Variants in SPEG observed in about 807,000 individuals in gnomAD.
SPEG encodes the protein striated muscle enriched protein kinase, also known as striated muscle preferentially expressed protein kinase.
Under a neutral mutation model 300.4 loss-of-function variants are expected in SPEG, and 114 were observed. The ratio of observed to expected loss-of-function variants is 0.38; its 90% CI spans 0.33 to 0.44. The LOEUF (loss-of-function observed/expected upper bound fraction) is 0.44, where lower values mean the gene tolerates loss of function less well. Ranked by LOEUF, SPEG falls within the 20% of genes least tolerant of loss-of-function variation. The probability of loss-of-function intolerance (pLI) is 1.00; values close to 1 mark genes in which losing one functional copy is unlikely to be tolerated. For missense variants in SPEG, 4,201 were observed against 4,586.2 expected (o/e 0.92, Z 2.43); for synonymous variants, 1,964 against 2,018.9 (o/e 0.97, Z 0.73).
chr2:219,467,513 GC>G (rs1433456590), intron 10 of SPEG, 79 bp downstream of exon 10: 1 of 1,503,176 alleles, frequency 6.7e-7, no homozygotes, highest in African/African-American at 1.4e-5. Flanking sequence ...ACAGTAAGAT[GC>G]CTGGGAAACA....
chr2:219,484,311 C>T lies in SPEG; in HGVS notation c.6848C>T (p.Ala2283Val), dbSNP rs758163203. ...KPHAAVFARV[A>V]SPPPGAPEKR... ...CACGCTGCTGTCTTTGCCAGGGTGG[C>T]CTCCCCACCTCCGGGAGCCCCCGAG... Residue 2283 changes from alanine to valine, a missense_variant, in exon 30 of 41, where the codon GCC (alanine) becomes GTC (valine). By Grantham distance (64) the Ala-to-Val change is moderately conservative (BLOSUM62 0). Transcript: ENST00000312358. 1.2e-6 allele frequency: 2 copies of T among 1,604,358 alleles called. No homozygotes were observed. The highest frequency in any genetic ancestry group is 2.2e-5 in the South Asian group (2 of 90,818).
rs749083777 is a variant in SPEG, at chr2:219,480,166, C to T, written c.5342+26C>T. 35 of 1,610,258 alleles carry T rather than the reference C, an allele frequency of 2.2e-5. 1 individual carries two copies. In the South Asian group the frequency reaches 2.7e-4, roughly 13 times the overall value. On this transcript the variant is annotated intron_variant, in intron 25 of 40. Coordinates refer to ENST00000312358, the MANE Select transcript of SPEG (RefSeq NM_005876.5). This position sits in a 1 kb window ranked among gnomAD's most constrained non-coding sequence, Gnocchi z 5.3. ...GTAAGGCTGGCATGCTGGGCTGGGC[C>T]GACCAGGGCAGCTGCCCTTGGGGCT... is the stretch of plus-strand genomic sequence containing the variant.
rs1417748211 is a variant in SPEG, at chr2:219,482,506, A to G, written c.5566-278A>G. 4 of 452,786 alleles carry G rather than the reference A, an allele frequency of 8.8e-6. No individual in the cohort carries two copies. In the East Asian group the frequency reaches 1.4e-4, roughly 16 times the overall value. 28.0% of individuals were successfully genotyped at this position (452,786 alleles called of 1,614,324 possible). ...GCAGCTGGTTTACCAGGACAGGGCCATGAGCCCTGGTGGAAGCTCAGAAGC... is the reference window on the plus strand; with the variant it reads ...GCAGCTGGTTTACCAGGACAGGGCCGTGAGCCCTGGTGGAAGCTCAGAAGC... On this transcript the variant is annotated intron_variant, in intron 28 of 40. Transcript: ENST00000312358.
At chr2:219,461,222 T>G in intron 6 of SPEG, 1 of 986,496 alleles carries the variant, frequency 1.0e-6, no homozygotes, top group Non-Finnish European at 1.2e-6. Flanking sequence ...TGAGCTGCCC[T>G]TTTTGGTGGA....
At chr2:219,474,179 A>T (rs555444053) in intron 18 of SPEG, 1 of 315,046 alleles carries the variant, frequency 3.2e-6, no homozygotes, top group South Asian at 7.1e-5. Flanking sequence ...GGAGTTCGTG[A>T]CCAGCCTCGC....
At chr2:219,460,494 G>A in intron 6 of SPEG, 1 of 985,450 alleles carries the variant, frequency 1.0e-6, no homozygotes, top group Non-Finnish European at 1.2e-6. Flanking sequence ...ACAGCGCAGT[G>A]CCACCCCTCC....
chr2:219,436,885 T>C (rs1954733447), intron 1 of SPEG, among the ~76,000 whole-genome samples: 1 of 151,854 alleles, frequency 6.6e-6, no homozygotes, highest in Non-Finnish European at 1.5e-5. Flanking sequence ...GGGCTGAAAA[T>C]AGAACATAGA....
chr2:219,489,695 C>T lies in SPEG; in HGVS notation c.8677C>T (p.Pro2893Ser). Residue 2893 changes from proline (P) to serine (S), a missense_variant, in exon 36 of 41, where the codon CCA (proline) becomes TCA (serine). Pro to Ser is a moderately conservative substitution (Grantham distance 74). Around this residue, in one of 4 missense-constraint regions of SPEG, gnomAD observed 1,578 missense variants for 1,506.0 expected, o/e 1.05. Transcript: ENST00000312358. ...AGCCTCCACTCCTCAAGGGGTTAAA[C>T]CAGTGTCTTCCTCTACTCCTGTGTA... ...IPASTPQGVK[P>S]VSSSTPVYVV... is the part of the protein sequence containing the mutation. 6.2e-7 allele frequency: 1 copy of T among 1,614,118 alleles called. No homozygotes were observed. The highest frequency in any genetic ancestry group is 8.5e-7 in the Non-Finnish European group (1 of 1,180,008).
In SPEG at chr2:219,481,049, TG is replaced by T. The variant is rs1475808883; in HGVS notation, c.5370-253del. ...CTCTTCACTCATGGAGAGGCCACAC[TG>T]GAGGAGGGATGGAACAGGTCCTCTA... is the stretch of plus-strand genomic sequence containing the variant. On this transcript the variant is annotated intron_variant, in intron 26 of 40. Coordinates refer to ENST00000312358, the MANE Select transcript of SPEG (RefSeq NM_005876.5). The surrounding 1 kb of genome is among the most constrained non-coding windows in gnomAD (Gnocchi z 5.4). 6.6e-6 allele frequency among the ~76,000 whole-genome samples: 1 copy of T among 152,244 alleles called. No individual in the cohort carries two copies. The highest frequency in any genetic ancestry group is 2.4e-5 in the African/African-American group (1 of 41,562).
Position 219,483,783 on chromosome 2 carries a change from C to A in SPEG, c.6320C>A (p.Ala2107Asp). The A allele has an allele frequency of 6.4e-7, 1 of 1,557,218 alleles. No individual in the cohort carries two copies. The highest frequency in any genetic ancestry group is 8.6e-7 in the Non-Finnish European group (1 of 1,158,926). ...GRARDPRMAR[A>D]ASSEAAPHHQ... ...GCTCGGGACCCCCGGATGGCACGAG[C>A]TGCCTCCAGCGAGGCAGCGCCCCAC... The change falls in exon 30 of 41, where the codon GCT (alanine) becomes GAT (aspartate). Residue 2107 changes from alanine to aspartate, a missense_variant. Physicochemically the swap from Ala to Asp is moderately radical, Grantham distance 126. This residue lies in a region of SPEG where 1,578 missense variants were observed against 1,506.0 expected (regional missense o/e 1.05). Coordinates refer to ENST00000312358, the MANE Select transcript of SPEG (RefSeq NM_005876.5).
Position 219,484,356 on chromosome 2 carries a change from G to C in SPEG, c.6893G>C (p.Gly2298Ala). ...GAPEKRVPSAGGPPVLAEKAR... is the reference protein window; with the variant it reads ...GAPEKRVPSAAGPPVLAEKAR... ...CCCGAGAAGCGCGTGCCCTCAGCCG[G>C]GGGTCCCCCGGTGCTAGCCGAGAAA... Residue 2298 changes from glycine (G) to alanine (A), a missense_variant, in exon 30 of 41, where the codon GGG (glycine) becomes GCG (alanine). Physicochemically the swap from Gly to Ala is moderately conservative, Grantham distance 60. Around this residue, in one of 4 missense-constraint regions of SPEG, gnomAD observed 1,578 missense variants for 1,506.0 expected, o/e 1.05. Coordinates refer to ENST00000312358, the MANE Select transcript of SPEG (RefSeq NM_005876.5). The C allele has an allele frequency of 6.2e-7, 1 of 1,606,048 alleles. No individual in the cohort carries two copies. The highest frequency in any genetic ancestry group is 1.3e-5 in the African/African-American group (1 of 74,812).
chr2:219,488,497 G>A lies in SPEG; in HGVS notation c.7859-1G>A, dbSNP rs774709263. 1 of 1,564,712 alleles carries A rather than the reference G, an allele frequency of 6.4e-7. No individual in the cohort carries two copies. Among genetic ancestry groups the A allele is most frequent in the Non-Finnish European group, 8.7e-7 (1 of 1,153,412 alleles). ...CAACTCCTGCTCCTCCCTGTCCCCA[G>A]ACAAGAAGTCCTTGAGGTCAGAGCC... On this transcript the variant is annotated splice_acceptor_variant, in intron 32 of 40. Coordinates refer to ENST00000312358, the MANE Select transcript of SPEG (RefSeq NM_005876.5). LOFTEE classifies it high-confidence loss of function.
At chr2:219,452,134 C>G (rs2125313484) in intron 6 of SPEG, among the ~76,000 whole-genome samples, 1 of 152,300 alleles carries the variant, frequency 6.6e-6, no homozygotes, top group East Asian at 1.9e-4. Context: ...AGCAAATTGT[C>G]CTTGAGTTTC....
Position 219,444,257 on chromosome 2 carries a change from C to A in SPEG, c.389-396C>A, listed in dbSNP as rs1689120402. Among the ~76,000 whole-genome samples, 1 of 152,120 alleles carries A rather than the reference C, an allele frequency of 6.6e-6. No individual in the cohort carries two copies. The highest frequency in any genetic ancestry group is 2.4e-5 in the African/African-American group (1 of 41,414). On this transcript the variant is annotated intron_variant, in intron 1 of 40. Transcript: ENST00000312358. This position sits in a 1 kb window ranked among gnomAD's most constrained non-coding sequence, Gnocchi z 7.8. ...CCTCTTTGTTCCTGGGGTACTGGAA[C>A]CCAGACTTTAGAGCCTTGGAACCTA...
intron 9 of SPEG, chr2:219,466,492 G>A (rs1406605867): frequency 2.8e-5 from 32 of 1,139,444 alleles, no homozygotes; most frequent in African/African-American, 4.8e-5. Context: ...CAGAGTGGGA[G>A]AGATTACGGC....
chr2:219,465,980 T>G, intron 9 of SPEG: 2 of 1,217,338 alleles, frequency 1.6e-6, no homozygotes, highest in Non-Finnish European at 1.2e-6. Flanking sequence ...TGTGTGTGCA[T>G]GTGTGTGTGT....
In SPEG at chr2:219,451,242, G is replaced by A. The variant is rs1254354668; in HGVS notation, c.2220G>A (p.Leu740=). The A allele has an allele frequency of 1.2e-6, 2 of 1,613,686 alleles. No homozygotes were observed. Among genetic ancestry groups the A allele is most frequent in the South Asian group, 1.1e-5 (1 of 91,062 alleles). Residue 740 remains leucine (L), a synonymous_variant, in exon 5 of 41, where the codon CTG becomes CTA. Coordinates refer to ENST00000312358, the MANE Select transcript of SPEG (RefSeq NM_005876.5). The surrounding 1 kb of genome is among the most constrained non-coding windows in gnomAD (Gnocchi z 6.4). ...NVVVAPGADV[L]LKCIITANPP... ...TGGTGGCACCAGGGGCAGATGTGCTGCTCAAGTGTATCATCACTGCCAACC... is the reference window on the plus strand; with the variant it reads ...TGGTGGCACCAGGGGCAGATGTGCTACTCAAGTGTATCATCACTGCCAACC...
At chr2:219,486,036 G>A (rs1403624838) in intron 31 of SPEG, among the ~76,000 whole-genome samples, 1 of 152,228 alleles carries the variant, frequency 6.6e-6, no homozygotes, top group African/African-American at 2.4e-5. Context: ...CCAGCCTAGA[G>A]GACCACGACC....
rs1468339574 is a variant in SPEG at position 219,488,798 on chromosome 2, C to T, written c.8047C>T (p.Pro2683Ser). 5 of 1,601,882 alleles carry T rather than the reference C, an allele frequency of 3.1e-6. No homozygotes were observed. The South Asian group carries it at 5.6e-5, about 18-fold the overall frequency. ...GCCAGGAGTCCCAGGAAAGCTAGCT[C>T]CTCCAGAGGTACCCCAGACCTACCA... ...AVARVPGKLA[P>S]PEVPQTYQDT... is the part of the protein sequence containing the mutation. The change falls in exon 34 of 41, where the codon CCT becomes TCT. Residue 2683 changes from proline to serine, a missense_variant. Physicochemically the swap from Pro to Ser is moderately conservative, Grantham distance 74 (BLOSUM62 -1). Transcript: ENST00000312358.
Sources: allele counts gnomAD v4.1 joint callset (sites outside exome capture counted in the v4.1 genomes callset), GRCh38; gene constraint gnomAD v4.1.1; regional missense constraint gnomAD v4.1.1; non-coding constraint Gnocchi (gnomAD v3.1); transcripts MANE v1.5; gene names NCBI Gene and HGNC (gene_info 2026-07-23, HGNC 2026-07-21).